SLC7A13: variants seen among roughly 807,000 people sequenced by gnomAD.
The protein encoded by SLC7A13 is solute carrier family 7 member 13, also known as X-amino acid transporter 2.
A neutral mutation model predicts 32.0 loss-of-function variants in SLC7A13; 31 were observed. That is an observed-to-expected ratio of 0.97 (90% CI 0.73 to 1.31). SLC7A13 has a LOEUF of 1.31. SLC7A13 is among the 50% of genes most tolerant of loss of function. The pLI is 0.00. For missense variants in SLC7A13, 633 were observed against 546.9 expected (o/e 1.16, Z -1.57); for synonymous variants, 232 against 206.9 (o/e 1.12, Z -1.04).
Position 86,214,528 on chromosome 8 carries a change from A to AATCCGC in SLC7A13, c.1292_1297dup (p.Gly432_Leu433insCysGly), listed in dbSNP as rs750489186. On this transcript the variant is annotated inframe_insertion, in exon 4 of 4. Coordinates refer to ENST00000297524, the MANE Select transcript of SLC7A13 (RefSeq NM_138817.3). ...ATGTATTAAAGGTATGTAAAATAGT[A>AATCCGC]ATCCGCTGAGAACTAACAGAAGCAC... The AATCCGC allele has an allele frequency of 2.5e-6, 4 of 1,613,230 alleles. No individual in the cohort carries two copies. The highest frequency in any genetic ancestry group is 3.4e-6 in the Non-Finnish European group (4 of 1,179,486).
chr8:86,225,610 T>C (rs1180696086), intron 1 of SLC7A13, among the ~76,000 whole-genome samples: 1 of 152,154 alleles, frequency 6.6e-6, no homozygotes, highest in East Asian at 1.9e-4. Flanking sequence ...CAAATATCCT[T>C]GACTCTTGAA....
At chr8:86,222,286 A>G (rs1820310367) in intron 2 of SLC7A13, among the ~76,000 whole-genome samples, 1 of 152,152 alleles carries the variant, frequency 6.6e-6, no homozygotes, top group Non-Finnish European at 1.5e-5. Flanking sequence ...TGAGGAAATT[A>G]CTAGTCTTCC....
intron 3 of SLC7A13, among the ~76,000 whole-genome samples, chr8:86,215,130 AC>A (rs1465225192): frequency 6.6e-6 from 1 of 152,052 alleles, no homozygotes; most frequent in Admixed American, 6.6e-5. Flanking sequence ...AAAAATCAAG[AC>A]AAAAATTTTA....
rs1161928838 is a variant in SLC7A13, at chr8:86,229,601, A to C, written c.677T>G (p.Leu226Arg). 2 of 1,612,196 alleles carry C rather than the reference A, an allele frequency of 1.2e-6. No individual in the cohort carries two copies. Among genetic ancestry groups the C allele is most frequent in the South Asian group, 1.1e-5 (1 of 90,818 alleles). ...CCTCAATGGATTGTTACCTGCTATA[A>C]GTGTAAAGCATGCCCCGCCTGAATA... Reference protein sequence around the residue: ...FAYSGGACFTLIAGELKKPRT... With the variant: ...FAYSGGACFTRIAGELKKPRT... The change falls in exon 1 of 4, where the codon CTT becomes CGT. Residue 226 changes from leucine to arginine, a missense_variant. Coordinates refer to ENST00000297524, the MANE Select transcript of SLC7A13 (RefSeq NM_138817.3).
intron 3 of SLC7A13, among the ~76,000 whole-genome samples, chr8:86,217,140 C>T (rs13281681): frequency 0.011 from 1,662 of 152,248 alleles, 11 homozygotes; most frequent in Non-Finnish European, 0.016. Context: ...CTAAATCTGG[C>T]CCTGACTGTG....
At position 86,229,939 on chromosome 8, in the gene SLC7A13, C is replaced by A. The variant is rs201244158; in HGVS notation, c.339G>T (p.Leu113=). The change falls in exon 1 of 4, where the codon CTG becomes CTT. Residue 113 remains leucine, a synonymous_variant. Transcript: ENST00000297524. ...GCTGGATGCTGTACTCAGCAAGGAG[C>A]AGAGCTTGGCCAGCAACTACCCCTG... ...LGSGVVAGQA[L]LLAEYSIQPF... 1.2e-6 allele frequency: 2 copies of A among 1,614,190 alleles called. No homozygotes were observed. The highest frequency in any genetic ancestry group is 1.6e-4 in the Middle Eastern group (1 of 6,062).
chr8:86,226,095 T>C (rs1215122578), intron 1 of SLC7A13, among the ~76,000 whole-genome samples: 1 of 152,158 alleles, frequency 6.6e-6, no homozygotes, highest in Non-Finnish European at 1.5e-5. Flanking sequence ...CACTAGCGGC[T>C]TGTGAGGAAC....
At position 86,217,742 on chromosome 8, in the gene SLC7A13, G is replaced by T. The variant is rs145301508; in HGVS notation, c.907C>A (p.Leu303Ile). The change falls in exon 3 of 4, where the codon CTT becomes ATT. Residue 303 changes from leucine to isoleucine, a missense_variant. By Grantham distance (5) the Leu-to-Ile change is conservative (BLOSUM62 2). Coordinates refer to ENST00000297524, the MANE Select transcript of SLC7A13 (RefSeq NM_138817.3). ...FAISTSLFSN[L>I]LISIFKSSRP... Reference sequence around the variant, plus strand: ...GATGATTTAAATATAGAAATCAGAAGGTTGCTAAATAATGAGGTAGAAATA... The same window carrying T: ...GATGATTTAAATATAGAAATCAGAATGTTGCTAAATAATGAGGTAGAAATA... The T allele has an allele frequency of 3.7e-6, 6 of 1,613,032 alleles. No individual in the cohort carries two copies. Among genetic ancestry groups the T allele is most frequent in the Non-Finnish European group, 3.4e-6 (4 of 1,179,498 alleles).
At chr8:86,228,194 C>T (rs1820420962) in intron 1 of SLC7A13, among the ~76,000 whole-genome samples, 1 of 152,150 alleles carries the variant, frequency 6.6e-6, no homozygotes, top group African/African-American at 2.4e-5. Context: ...CACTTTGGCA[C>T]CCACTTCAGT....
chr8:86,229,671 C>G lies in SLC7A13; in HGVS notation c.607G>C (p.Asp203His), dbSNP rs776576174. The G allele has an allele frequency of 1.9e-6, 3 of 1,614,154 alleles. 1 individual carries two copies. Among genetic ancestry groups the G allele is most frequent in the Non-Finnish European group, 8.5e-7 (1 of 1,180,028 alleles). The change falls in exon 1 of 4, where the codon GAT (aspartate) becomes CAT (histidine). Residue 203 changes from aspartate (D) to histidine (H), a missense_variant. Coordinates refer to ENST00000297524, the MANE Select transcript of SLC7A13 (RefSeq NM_138817.3). Reference protein sequence around the residue: ...FQNAFDAELPDISHLIQAIFQ... With the variant: ...FQNAFDAELPHISHLIQAIFQ... Reference sequence around the variant, plus strand: ...ATGGCTTGTATAAGGTGAGAGATATCTGGAAGTTCAGCATCAAAAGCATTC... The same window carrying G: ...ATGGCTTGTATAAGGTGAGAGATATGTGGAAGTTCAGCATCAAAAGCATTC...
At position 86,217,605 on chromosome 8, in the gene SLC7A13, G is replaced by C. The variant is rs1246194337; in HGVS notation, c.1044C>G (p.Ser348=). Residue 348 remains serine (S), a synonymous_variant, in exon 3 of 4, where the codon TCC becomes TCG. Coordinates refer to ENST00000297524, the MANE Select transcript of SLC7A13 (RefSeq NM_138817.3). ...TAVLLLVTLG[S]LAIILTSLID... ...TTAGACTTGTTAAGATAATTGCAAG[G>C]GATCCCAAAGTGACAAGTAGTAGCA... The C allele has an allele frequency of 6.2e-7, 1 of 1,613,176 alleles. No homozygotes were observed. The highest frequency in any genetic ancestry group is 8.5e-7 in the Non-Finnish European group (1 of 1,179,578).
chr8:86,217,549 C>A lies in SLC7A13; in HGVS notation c.1100G>T (p.Gly367Val), dbSNP rs1820207606. The stretch of plus-strand genomic sequence containing the variant: ...CATTAATAATATAGACCATAATGAA[C>A]CCGTGAAAAAAATATAGTTTATCAA... ...IDLINYIFFT[G>V]SLWSILLMIG... Residue 367 changes from glycine to valine, a missense_variant, in exon 3 of 4, where the codon GGT becomes GTT. Gly to Val is a moderately radical substitution (Grantham distance 109). Transcript: ENST00000297524. 6.2e-7 allele frequency: 1 copy of A among 1,612,034 alleles called. No homozygotes were observed. The highest frequency in any genetic ancestry group is 1.7e-5 in the Admixed American group (1 of 59,768).
chr8:86,217,680 C>T lies in SLC7A13; in HGVS notation c.969G>A (p.Leu323=). The T allele has an allele frequency of 6.2e-7, 1 of 1,613,424 alleles. No individual in the cohort carries two copies. Among genetic ancestry groups the T allele is most frequent in the Non-Finnish European group, 8.5e-7 (1 of 1,179,628 alleles). The change falls in exon 3 of 4, where the codon CTG becomes CTA. Residue 323 remains leucine (L), a synonymous_variant. Coordinates refer to ENST00000297524, the MANE Select transcript of SLC7A13 (RefSeq NM_138817.3). ...PIYLASQEGQ[L]PLLFNTLNSH... ...TATTAAGTGTATTAAATAGCAAAGG[C>T]AGCTGGCCCTCTTGGCTTGCAAGAT...
intron 2 of SLC7A13, among the ~76,000 whole-genome samples, chr8:86,218,308 A>G (rs1222531062): frequency 1.3e-5 from 2 of 152,210 alleles, no homozygotes; most frequent in African/African-American, 4.8e-5. Context: ...ACTTTCCCAC[A>G]TCATGGTGCA....
At chr8:86,221,655 A>T (rs1395669599) in intron 2 of SLC7A13, among the ~76,000 whole-genome samples, 1 of 152,020 alleles carries the variant, frequency 6.6e-6, no homozygotes, top group Non-Finnish European at 1.5e-5. Context: ...TTAAACAAAA[A>T]GTCTAAAGAT....
intron 2 of SLC7A13, among the ~76,000 whole-genome samples, chr8:86,220,916 C>A (rs1820284460): frequency 6.6e-6 from 1 of 151,178 alleles, no homozygotes; most frequent in Non-Finnish European, 1.5e-5. Flanking sequence ...AGCGCTTGAA[C>A]CTGGGAAGTG....
chr8:86,226,114 A>G (rs1820385792), intron 1 of SLC7A13, among the ~76,000 whole-genome samples: 1 of 152,178 alleles, frequency 6.6e-6, no homozygotes, highest in Admixed American at 6.5e-5. Context: ...ACTCCATAAT[A>G]GTTTATAGGT....
intron 3 of SLC7A13, among the ~76,000 whole-genome samples, chr8:86,217,146 C>A (rs1477275426): frequency 6.6e-6 from 1 of 152,168 alleles, no homozygotes; most frequent in East Asian, 1.9e-4. Flanking sequence ...CTGGCCCTGA[C>A]TGTGGAAGAC....
intron 1 of SLC7A13, among the ~76,000 whole-genome samples, chr8:86,224,862 T>A (rs889526619): frequency 3.3e-5 from 5 of 152,172 alleles, no homozygotes; most frequent in Admixed American, 2.6e-4. Context: ...TGTTTTTTTT[T>A]AATTTCTAGA....
Sources: gnomAD v4.1 joint callset for allele counts (sites outside exome capture counted in the v4.1 genomes callset) on GRCh38, gnomAD v4.1.1 for gene constraint, MANE v1.5 for transcripts, NCBI Gene and HGNC (gene_info 2026-07-23, HGNC 2026-07-21) for gene names.